Variants in CDH6 observed in about 807,000 individuals in gnomAD.
CDH6 encodes the protein cadherin 6.
Under a neutral mutation model 78.0 loss-of-function variants are expected in CDH6, and 31 were observed. The ratio of observed to expected loss-of-function variants is 0.40; its 90% CI spans 0.30 to 0.54. The LOEUF (loss-of-function observed/expected upper bound fraction) is 0.54. Ranked by LOEUF, CDH6 falls within the 20% of genes least tolerant of loss-of-function variation. The probability of loss-of-function intolerance (pLI) is 0.56; values close to 1 mark genes in which losing one functional copy is unlikely to be tolerated. For missense variants in CDH6, 724 were observed against 975.9 expected, an observed-to-expected ratio of 0.74 and a Z score of 3.44; for synonymous variants, 376 against 368.8, an observed-to-expected ratio of 1.02 and a Z score of -0.23.
At chr5:31,237,713 C>G (rs1358971872) in intron 1 of CDH6, among the ~76,000 whole-genome samples, 1 of 152,160 alleles carries the variant, frequency 6.6e-6, no homozygotes, top group African/African-American at 2.4e-5. Flanking sequence ...CATGTCACAT[C>G]CTCAATTCTT....
chr5:31,195,942 G>A (rs1382382828), intron 1 of CDH6, among the ~76,000 whole-genome samples: 1 of 152,226 alleles, frequency 6.6e-6, no homozygotes, highest in Admixed American at 6.5e-5. Flanking sequence ...CAGTTCTACT[G>A]TATTTGTGTC....
At chr5:31,279,932 T>C (rs1044741615) in intron 2 of CDH6, among the ~76,000 whole-genome samples, 16 of 152,206 alleles carry the variant, frequency 1.1e-4, no homozygotes, top group Non-Finnish European at 1.2e-4. Flanking sequence ...ATCTTGCTGA[T>C]TACCAATCCA....
Position 31,328,742 on chromosome 5 carries a change from T to C in CDH6, c.*5434T>C. ...ACGGATGCCACCCTTGAAGATTTAC[T>C]GGCGGGAATGCTCACTCTTGTCGTT... is the stretch of plus-strand genomic sequence containing the variant. On this transcript the variant is annotated 3_prime_UTR_variant, in exon 12 of 12. Coordinates refer to ENST00000265071, the MANE Select transcript of CDH6 (RefSeq NM_004932.4). 1 of 216,302 alleles carries C rather than the reference T, an allele frequency of 4.6e-6. No homozygotes were observed. The highest frequency in any genetic ancestry group is 2.2e-5 in the African/African-American group (1 of 44,528). 13.4% of individuals were successfully genotyped at this position (216,302 alleles called of 1,614,324 possible). A position where few individuals can be genotyped will look rare whatever the true frequency, so the allele number is the denominator to read the frequency against.
intron 7 of CDH6, among the ~76,000 whole-genome samples, chr5:31,309,598 A>G (rs1036058800): frequency 6.6e-6 from 1 of 151,808 alleles, no homozygotes; most frequent in Non-Finnish European, 1.5e-5. Flanking sequence ...TTTCTCTGTA[A>G]TACCCCACCC....
At chr5:31,293,466 T>C (rs2149947241) in intron 2 of CDH6, among the ~76,000 whole-genome samples, 1 of 152,298 alleles carries the variant, frequency 6.6e-6, no homozygotes, top group South Asian at 2.1e-4. Context: ...TTCACCAAGA[T>C]AATAAATGTA....
chr5:31,260,310 C>T (rs1371705979), intron 1 of CDH6, among the ~76,000 whole-genome samples: 6 of 152,178 alleles, frequency 3.9e-5, no homozygotes, highest in East Asian at 1.9e-4. Flanking sequence ...CAGCGTTGTG[C>T]GGGGCTGAGA....
chr5:31,206,297 T>C (rs1185392873), intron 1 of CDH6, among the ~76,000 whole-genome samples: 1 of 152,198 alleles, frequency 6.6e-6, no homozygotes, highest in Non-Finnish European at 1.5e-5. Flanking sequence ...ATATATCTTA[T>C]ATGTAACATG....
chr5:31,265,002 C>T (rs868336625), intron 1 of CDH6, among the ~76,000 whole-genome samples: 16 of 152,340 alleles, frequency 1.1e-4, no homozygotes, highest in Middle Eastern at 3.4e-3. Context: ...ACAGCTGACA[C>T]CTCCATTCTC....
Position 31,326,680 on chromosome 5 carries a change from A to ATTTTTTTTTTTTTTTTTTTTT in CDH6, c.*3372_*3373insTTTTTTTTTTTTTTTTTTTTT, listed in dbSNP as rs750696655. 12 of 130,318 alleles carry ATTTTTTTTTTTTTTTTTTTTT rather than the reference A, an allele frequency of 9.2e-5. 5 individuals carry two copies. The highest frequency in any genetic ancestry group is 6.5e-5 in the Non-Finnish European group (4 of 61,680). The allele number at this position is 130,318 out of a possible 1,614,324, so 8.1% of individuals were successfully genotyped here. On this transcript the variant is annotated 3_prime_UTR_variant, in exon 12 of 12. Transcript: ENST00000265071. ...CAAAGAGTTGTGCAGAAAATCTTAA[A>ATTTTTTTTTTTTTTTTTTTTT]ATTTTTTTTTTTTTTTTTTTTTTTT...
chr5:31,212,601 A>G (rs928873397), intron 1 of CDH6, among the ~76,000 whole-genome samples: 1 of 152,178 alleles, frequency 6.6e-6, no homozygotes, highest in Non-Finnish European at 1.5e-5. Context: ...AAAATTAAGT[A>G]AGAATGGGAG....
At chr5:31,277,343 T>C (rs1254272508) in intron 2 of CDH6, among the ~76,000 whole-genome samples, 3 of 152,200 alleles carry the variant, frequency 2.0e-5, no homozygotes, top group African/African-American at 7.2e-5. Flanking sequence ...TTAACTCTTG[T>C]TTGTTTGTAA....
intron 3 of CDH6, 92 bp from the exon 4 acceptor site, chr5:31,297,197 C>A: frequency 9.2e-7 from 1 of 1,089,680 alleles, no homozygotes; most frequent in Non-Finnish European, 1.4e-6. Context: ...ATGATATTTC[C>A]ATACAAAATT....
intron 1 of CDH6, among the ~76,000 whole-genome samples, chr5:31,227,331 T>C (rs974080382): frequency 2.0e-5 from 3 of 152,198 alleles, no homozygotes; most frequent in African/African-American, 7.2e-5. Flanking sequence ...TTTGGGATAC[T>C]TTACATATTT....
intron 2 of CDH6, among the ~76,000 whole-genome samples, chr5:31,283,971 C>G (rs1346613666): frequency 2.6e-5 from 4 of 152,048 alleles, no homozygotes; most frequent in Admixed American, 2.0e-4. Flanking sequence ...GGCACCACCA[C>G]GCCCAGCTAA....
chr5:31,208,907 C>A (rs190603371), intron 1 of CDH6, among the ~76,000 whole-genome samples: 2 of 152,182 alleles, frequency 1.3e-5, no homozygotes, highest in Non-Finnish European at 2.9e-5. Context: ...AGTCCAATTT[C>A]ATTCCTCAAG....
chr5:31,317,545 G>C (rs1246303298), intron 10 of CDH6, 53 bp downstream of exon 10: 44 of 1,509,280 alleles, frequency 2.9e-5, no homozygotes, highest in Non-Finnish European at 3.6e-5. Context: ...ATCCGTAACT[G>C]TTTCTGTATG....
At chr5:31,283,746 A>G (rs1742929189) in intron 2 of CDH6, among the ~76,000 whole-genome samples, 1 of 152,188 alleles carries the variant, frequency 6.6e-6, no homozygotes. Context: ...TGTAATAGAA[A>G]AAGAACAGGA....
In CDH6 at chr5:31,324,851, T is replaced by A; in HGVS notation, c.*1543T>A. On this transcript the variant is annotated 3_prime_UTR_variant, in exon 12 of 12. Transcript: ENST00000265071. Reference sequence around the variant, plus strand: ...CACTTATCATTAGAATCTTACCTTGTGCAGTCATCAGAAATTCCAGCGTAC... The same window carrying A: ...CACTTATCATTAGAATCTTACCTTGAGCAGTCATCAGAAATTCCAGCGTAC... The A allele has an allele frequency of 4.9e-6, 1 of 205,156 alleles. No homozygotes were observed. The highest frequency in any genetic ancestry group is 1.0e-5 in the Non-Finnish European group (1 of 100,348). The allele number at this position is 205,156 out of a possible 1,614,324, so 12.7% of individuals were successfully genotyped here.
chr5:31,204,608 T>C (rs1182770161), intron 1 of CDH6, among the ~76,000 whole-genome samples: 7 of 152,234 alleles, frequency 4.6e-5, no homozygotes. Context: ...ATTGAGCATA[T>C]GTTTGCTTCC....
Sources: gnomAD v4.1 joint callset for allele counts (sites outside exome capture counted in the v4.1 genomes callset) on GRCh38, gnomAD v4.1.1 for gene constraint, MANE v1.5 for transcripts, NCBI Gene and HGNC (gene_info 2026-07-23, HGNC 2026-07-21) for gene names.